The following DGKG variants were observed in gnomAD, a reference collection of about 807,000 sequenced individuals.
DGKG encodes diacylglycerol kinase gamma, also known as DAG kinase gamma.
A neutral mutation model predicts 105.3 loss-of-function variants in DGKG; 78 were observed. That is an observed-to-expected ratio of 0.74 (90% CI 0.62 to 0.89). The LOEUF is 0.89. Among genes scored for constraint, DGKG ranks in the 40% least tolerant of loss-of-function variants. The pLI is 0.00. For missense variants in DGKG, 958 were observed against 1,020.1 expected, an observed-to-expected ratio of 0.94 and a Z score of 0.83; for synonymous variants, 346 against 367.1, an observed-to-expected ratio of 0.94 and a Z score of 0.66.
chr3:186,248,393 C>T (rs1721048122), intron 19 of DGKG, among the ~76,000 whole-genome samples: 1 of 152,270 alleles, frequency 6.6e-6, no homozygotes, highest in Non-Finnish European at 1.5e-5. Context: ...GTTCTCCCCT[C>T]CTTCCTTGCT....
chr3:186,159,133 T>C (rs1050174750), intron 24 of DGKG: 1 of 151,112 alleles, frequency 6.6e-6, no homozygotes, highest in Admixed American at 6.6e-5. Context: ...TTTTCTTTTA[T>C]ATATATATTA....
At chr3:186,206,880 G>C (rs1221682342) in intron 21 of DGKG, among the ~76,000 whole-genome samples, 1 of 152,122 alleles carries the variant, frequency 6.6e-6, no homozygotes, top group Non-Finnish European at 1.5e-5. Context: ...CCCCCGAGTA[G>C]CTGGGATTGT....
At chr3:186,330,593 T>A (rs1725555557) in intron 1 of DGKG, among the ~76,000 whole-genome samples, 1 of 152,114 alleles carries the variant, frequency 6.6e-6, no homozygotes, top group South Asian at 2.1e-4. Context: ...AGAGATCACA[T>A]AGAGACCACA....
At chr3:186,292,769 C>T (rs1015926240) in intron 5 of DGKG, among the ~76,000 whole-genome samples, 18 of 151,780 alleles carry the variant, frequency 1.2e-4, no homozygotes, top group Middle Eastern at 3.2e-3. Context: ...GATCGTGCCA[C>T]TGCACTCCAG....
rs569060981 is a variant in DGKG at position 186,188,054 on chromosome 3, C to T, written c.2095+148G>A. ...TTTGTCTTCTGGATTAAGTTGTAAA[C>T]TTTGCAACATCGGATGACGAGTCAG... On this transcript the variant is annotated intron_variant, in intron 22 of 24. Transcript: ENST00000265022. 282 of 937,458 alleles carry T rather than the reference C, an allele frequency of 3.0e-4. 2 individuals carry two copies. The South Asian group carries it at 3.7e-3, about 12-fold the overall frequency. 58.1% of individuals were successfully genotyped at this position (937,458 alleles called of 1,614,324 possible).
In DGKG at chr3:186,257,864, C is replaced by T. The variant is rs142419615; in HGVS notation, c.1500G>A (p.Leu500=). Residue 500 remains leucine, a synonymous_variant, in exon 17 of 25, where the codon TTG becomes TTA. Coordinates refer to ENST00000265022, the MANE Select transcript of DGKG (RefSeq NM_001346.3). ...CGGDGTVGWI[L]DCIDKANFAK... ...TCAGCCCATGCTTACCAATGCAATC[C>T]AAAATCCAGCCAACTGTCCCATCTC... is the stretch of plus-strand genomic sequence containing the variant. 1.9e-6 allele frequency: 3 copies of T among 1,613,830 alleles called. No individual in the cohort carries two copies. The highest frequency in any genetic ancestry group is 2.2e-5 in the South Asian group (2 of 91,058).
At chr3:186,185,239 C>T (rs929777809) in intron 22 of DGKG, among the ~76,000 whole-genome samples, 1 of 152,188 alleles carries the variant, frequency 6.6e-6, no homozygotes, top group African/African-American at 2.4e-5. Flanking sequence ...AAGAAGAAAG[C>T]TCAGTGCTGG....
At chr3:186,204,954 G>A (rs1221549067) in intron 21 of DGKG, among the ~76,000 whole-genome samples, 1 of 152,052 alleles carries the variant, frequency 6.6e-6, no homozygotes, top group Non-Finnish European at 1.5e-5. Context: ...ACTCCATAGG[G>A]CAGTTAAAAG....
chr3:186,238,843 C>T (rs1397313696), intron 20 of DGKG, among the ~76,000 whole-genome samples: 4 of 152,212 alleles, frequency 2.6e-5, no homozygotes, highest in Non-Finnish European at 4.4e-5. Context: ...CTGGAACCCA[C>T]TATCTTCCCT....
At chr3:186,342,057 C>G (rs1451737147) in intron 1 of DGKG, among the ~76,000 whole-genome samples, 1 of 152,064 alleles carries the variant, frequency 6.6e-6, no homozygotes, top group Admixed American at 6.6e-5. Context: ...GGGAGATATA[C>G]CTAATGCTAG....
intron 20 of DGKG, among the ~76,000 whole-genome samples, chr3:186,217,142 T>A (rs1306923231): frequency 6.6e-6 from 1 of 152,092 alleles, no homozygotes; most frequent in African/African-American, 2.4e-5. Flanking sequence ...GGGGTAAGGG[T>A]GGGTCTACTG....
chr3:186,200,942 G>A (rs889215595), intron 21 of DGKG, among the ~76,000 whole-genome samples: 2 of 152,230 alleles, frequency 1.3e-5, no homozygotes, highest in African/African-American at 4.8e-5. Context: ...CTGGAAGGGG[G>A]TGTTGGCAGG....
At chr3:186,191,096 C>T (rs991162770) in intron 21 of DGKG, among the ~76,000 whole-genome samples, 2 of 152,150 alleles carry the variant, frequency 1.3e-5, no homozygotes, top group African/African-American at 4.8e-5. Flanking sequence ...GGTCATCTGA[C>T]TTATTAGTGG....
At chr3:186,298,028 G>T (rs775534454) in intron 4 of DGKG, 36 bp downstream of exon 4, 6 of 1,578,782 alleles carry the variant, frequency 3.8e-6, no homozygotes, top group Non-Finnish European at 2.6e-6. Flanking sequence ...TGAGAGCTGC[G>T]CAAGGTCTTC....
chr3:186,207,913 G>T (rs1196123574), intron 21 of DGKG, among the ~76,000 whole-genome samples: 1 of 152,196 alleles, frequency 6.6e-6, no homozygotes, highest in East Asian at 1.9e-4. Flanking sequence ...TTTCTCTTTT[G>T]TCCAGTTGGC....
intron 8 of DGKG, 114 bp downstream of exon 8, chr3:186,280,556 A>G: frequency 1.3e-6 from 1 of 760,980 alleles, no homozygotes; most frequent in Non-Finnish European, 2.2e-6. Flanking sequence ...AGCTGCCTAT[A>G]AGAAGATGAG....
chr3:186,357,510 C>G (rs1560171988), intron 1 of DGKG, among the ~76,000 whole-genome samples: 1 of 152,190 alleles, frequency 6.6e-6, no homozygotes, highest in Non-Finnish European at 1.5e-5. Context: ...TGACCATAGG[C>G]AAATTACTGA....
intron 21 of DGKG, among the ~76,000 whole-genome samples, chr3:186,193,368 A>G (rs1037779341): frequency 2.0e-5 from 3 of 152,234 alleles, no homozygotes; most frequent in African/African-American, 7.2e-5. Flanking sequence ...ATCTGCCTTA[A>G]GGGGTGGGTT....
At chr3:186,225,274 A>AT (rs961698773) in intron 20 of DGKG, among the ~76,000 whole-genome samples, 1 of 151,438 alleles carries the variant, frequency 6.6e-6, no homozygotes, top group Non-Finnish European at 1.5e-5. Context: ...GCCCTGAATC[A>AT]TTTTTTTTAA....
Sources: allele counts gnomAD v4.1 joint callset (sites outside exome capture counted in the v4.1 genomes callset), GRCh38; gene constraint gnomAD v4.1.1; transcripts MANE v1.5; gene names NCBI Gene and HGNC (gene_info 2026-07-23, HGNC 2026-07-21).